PRIM2: variants seen among roughly 807,000 people sequenced by gnomAD.
PRIM2 encodes the protein DNA primase subunit 2, also known as DNA primase large subunit.
In PRIM2, 39 loss-of-function variants were observed where a neutral mutation model predicts 67.3. The observed-to-expected ratio is 0.58, with a 90% CI of 0.45 to 0.76. The LOEUF (loss-of-function observed/expected upper bound fraction) is 0.76. Ranked by LOEUF, PRIM2 falls within the 30% of genes least tolerant of loss-of-function variation. The probability of loss-of-function intolerance (pLI) is 0.00; values close to 1 mark genes in which losing one functional copy is unlikely to be tolerated. For missense variants in PRIM2, 398 were observed against 598.7 expected, an observed-to-expected ratio of 0.66 and a Z score of 3.50; for synonymous variants, 143 against 198.7, an observed-to-expected ratio of 0.72 and a Z score of 2.36.
chr6:57,600,668 TTTTAATAGGCATTTAGGAAG>T (rs1582013516), intron 10 of PRIM2, among the ~76,000 whole-genome samples: 1 of 152,094 alleles, frequency 6.6e-6, no homozygotes. Context: ...GGATTAACTA[TTTTAATAGGCATTTAGGAAG>T]TAGAATGGGT....
At chr6:57,500,806 GT>G (rs1290098172) in intron 7 of PRIM2, among the ~76,000 whole-genome samples, 18 of 152,288 alleles carry the variant, frequency 1.2e-4, no homozygotes, top group African/African-American at 4.3e-4. Flanking sequence ...AAGCAGGGAG[GT>G]TTGGTCTCTC....
chr6:57,544,258 A>G lies in PRIM2; in HGVS notation c.1020+6633A>G, dbSNP rs1295724151. Among the ~76,000 whole-genome samples, 211 of 150,062 alleles carry G rather than the reference A, an allele frequency of 1.4e-3. 5 individuals are homozygous for G. In the East Asian group the frequency reaches 0.019, roughly 14 times the overall value. ...GTTGGAATGTCTCTGGTCGGAGAGG[A>G]GATTATGTTGGGGCTGACATCTCTC... On this transcript the variant is annotated intron_variant, in intron 10 of 13. Coordinates refer to ENST00000615550, the MANE Select transcript of PRIM2 (RefSeq NM_000947.5).
chr6:57,418,833 T>G (rs1771369061), intron 7 of PRIM2, among the ~76,000 whole-genome samples: 1 of 152,192 alleles, frequency 6.6e-6, no homozygotes, highest in Non-Finnish European at 1.5e-5. Flanking sequence ...AGAAACTAGA[T>G]TAATTATCTG....
chr6:57,437,689 A>G (rs1030611772), intron 7 of PRIM2, among the ~76,000 whole-genome samples: 5 of 135,686 alleles, frequency 3.7e-5, no homozygotes, highest in African/African-American at 1.4e-4. Flanking sequence ...TTTTTAAGAC[A>G]GGGTCTTACT....
intron 2 of PRIM2, 53 bp downstream of exon 2, chr6:57,318,652 T>C: frequency 7.3e-7 from 1 of 1,371,502 alleles, no homozygotes; most frequent in Non-Finnish European, 1.0e-6. Context: ...TCACTTACCC[T>C]TTGTGAGAAT....
At chr6:57,493,690 C>T (rs1554346161) in intron 7 of PRIM2, among the ~76,000 whole-genome samples, 1 of 152,190 alleles carries the variant, frequency 6.6e-6, no homozygotes, top group Admixed American at 6.5e-5. Flanking sequence ...TCTCCCTCCT[C>T]CTAGTTTTAT....
At chr6:57,425,772 G>T (rs34204154) in intron 7 of PRIM2, among the ~76,000 whole-genome samples, 31 of 152,240 alleles carry the variant, frequency 2.0e-4, no homozygotes, top group Middle Eastern at 3.4e-3. Context: ...GGGACAGAGG[G>T]TGGTGGAGAC....
At chr6:57,594,249 T>G (rs1776328442) in intron 10 of PRIM2, among the ~76,000 whole-genome samples, 1 of 152,244 alleles carries the variant, frequency 6.6e-6, no homozygotes, top group African/African-American at 2.4e-5. Flanking sequence ...AGATAGCAGT[T>G]GTGAAGACAT....
chr6:57,425,917 A>T (rs1400470196), intron 7 of PRIM2, among the ~76,000 whole-genome samples: 2 of 152,200 alleles, frequency 1.3e-5, no homozygotes, highest in African/African-American at 4.8e-5. Flanking sequence ...AGGCCTGTTT[A>T]TGCCCAGAAG....
At chr6:57,375,678 T>TTC (rs1769739111) in intron 5 of PRIM2, among the ~76,000 whole-genome samples, 3 of 151,814 alleles carry the variant, frequency 2.0e-5, no homozygotes, top group African/African-American at 7.3e-5. Flanking sequence ...CAGCCTTTTT[T>TTC]TTTTTTTTTT....
intron 10 of PRIM2, among the ~76,000 whole-genome samples, chr6:57,597,809 A>C (rs1373086466): frequency 6.6e-6 from 1 of 151,902 alleles, no homozygotes; most frequent in Non-Finnish European, 1.5e-5. Flanking sequence ...AAGAGGGGGG[A>C]TTTACCTGTT....
intron 7 of PRIM2, among the ~76,000 whole-genome samples, chr6:57,383,953 G>T (rs992352182): frequency 1.3e-5 from 2 of 152,172 alleles, no homozygotes; most frequent in African/African-American, 4.8e-5. Flanking sequence ...TTTTCTAGTT[G>T]CAGGTAACAG....
chr6:57,638,853 CAG>C (rs2127501043), intron 13 of PRIM2, among the ~76,000 whole-genome samples: 1 of 152,200 alleles, frequency 6.6e-6, no homozygotes, highest in South Asian at 2.1e-4. Flanking sequence ...ATCAACGAGA[CAG>C]AAAATTAACA....
the PRIM2 span, among the ~76,000 whole-genome samples, chr6:57,289,695 C>T: frequency 1.2e-4 from 18 of 152,268 alleles, no homozygotes; most frequent in African/African-American, 4.1e-4. Context: ...ATTTCATATC[C>T]AGCCAAACTA....
Position 57,376,428 on chromosome 6 carries a change from G to A in PRIM2, c.460-3473G>A, listed in dbSNP as rs565580180. The stretch of plus-strand genomic sequence containing the variant: ...TGAGCATCTTTTAATACATTTTTTG[G>A]CTCTTTGAGTTTTCTCATTTGTAAA... On this transcript the variant is annotated intron_variant, in intron 5 of 13. Transcript: ENST00000615550. Among the ~76,000 whole-genome samples, 63 of 152,142 alleles carry A rather than the reference G, an allele frequency of 4.1e-4. 1 individual carries two copies. In the Middle Eastern group the frequency reaches 0.01, roughly 25 times the overall value.
upstream of PRIM2, among the ~76,000 whole-genome samples, chr6:57,312,263 G>A (rs1167480304): frequency 3.3e-5 from 5 of 152,160 alleles, no homozygotes; most frequent in African/African-American, 9.7e-5. Context: ...CACTTTGGGA[G>A]GCCGAGGCAG....
intron 10 of PRIM2, among the ~76,000 whole-genome samples, chr6:57,554,227 A>G (rs1344338032): frequency 6.1e-5 from 9 of 147,934 alleles, no homozygotes; most frequent in African/African-American, 1.3e-4. Flanking sequence ...TATTGTTTAC[A>G]TGTAAATGTT....
intron 7 of PRIM2, among the ~76,000 whole-genome samples, chr6:57,425,089 T>C (rs1771578030): frequency 6.6e-6 from 1 of 152,224 alleles, no homozygotes; most frequent in Admixed American, 6.5e-5. Context: ...AGCTTTGACT[T>C]TTCAAGTTTT....
At chr6:57,347,551 A>G (rs5017176) in intron 5 of PRIM2, among the ~76,000 whole-genome samples, 19,521 of 152,056 alleles carry the variant, frequency 0.13, 1,402 homozygotes, top group African/African-American at 0.18. Context: ...GGCTGAAGTG[A>G]TCCTCCCACC....
Sources: allele counts gnomAD v4.1 joint callset (sites outside exome capture counted in the v4.1 genomes callset), GRCh38; gene constraint gnomAD v4.1.1; transcripts MANE v1.5; gene names NCBI Gene and HGNC (gene_info 2026-07-23, HGNC 2026-07-21).